The following TRMT13 variants were observed in gnomAD, a reference collection of about 807,000 sequenced individuals.
TRMT13 encodes tRNA:m(4)X modification enzyme TRM13 homolog.
Under a neutral mutation model 55.9 loss-of-function variants are expected in TRMT13, and 45 were observed. That is an observed-to-expected ratio of 0.80 (90% CI 0.63 to 1.03). TRMT13 has a LOEUF of 1.03. TRMT13 is among the 50% of genes least tolerant of loss of function. TRMT13 has a pLI of 0.00. For missense variants in TRMT13, 513 were observed against 563.9 expected (o/e 0.91, Z 0.91); for synonymous variants, 183 against 196.3 (o/e 0.93, Z 0.57).
At chr1:100,139,623 T>A in intron 3 of TRMT13, 26 bp from the exon 4 acceptor site, 1 of 1,404,316 alleles carries the variant, frequency 7.1e-7, no homozygotes, top group African/African-American at 1.4e-5. Context: ...TATTAACAGT[T>A]CTTTTATGGT....
chr1:100,140,096 C>T, intron 4 of TRMT13, 86 bp from the exon 5 acceptor site: 1 of 823,282 alleles, frequency 1.2e-6, no homozygotes, highest in Non-Finnish European at 1.9e-6. Context: ...TGGGATTTGC[C>T]CAGTTGGTAA....
At chr1:100,134,813 A>G (rs1178416832) in intron 1 of TRMT13, among the ~76,000 whole-genome samples, 2 of 152,204 alleles carry the variant, frequency 1.3e-5, no homozygotes, top group African/African-American at 4.8e-5. Flanking sequence ...GGAACGACAT[A>G]TTGTCATTAG....
chr1:100,139,761 C>A (rs770921235), intron 4 of TRMT13, 50 bp downstream of exon 4: 1 of 1,163,984 alleles, frequency 8.6e-7, no homozygotes, highest in East Asian at 2.6e-5. Context: ...TATAAGCTCT[C>A]TTCATGATGT....
intron 5 of TRMT13, 66 bp downstream of exon 5, chr1:100,140,317 C>A: frequency 1.3e-6 from 2 of 1,554,976 alleles, no homozygotes; most frequent in Non-Finnish European, 1.8e-6. Flanking sequence ...GAGTTGATAC[C>A]ATTCTGGTTT....
rs1344144048 is a variant in TRMT13, at chr1:100,136,908, G to T, written c.174G>T (p.Leu58=). ...AEEEDARKRI[L]CPLDPKHTVY... is the part of the protein sequence containing the mutation. ...AAGAAGATGCTCGGAAAAGAATCCT[G>T]TGTCCTTTAGATCCAAAACAGTAAG... The change falls in exon 2 of 11, where the codon CTG becomes CTT. Residue 58 remains leucine, a synonymous_variant. Coordinates refer to ENST00000370141, the MANE Select transcript of TRMT13 (RefSeq NM_019083.3). The T allele has an allele frequency of 1.9e-6, 3 of 1,601,754 alleles. No individual in the cohort carries two copies. Among genetic ancestry groups the T allele is most frequent in the Non-Finnish European group, 2.6e-6 (3 of 1,176,246 alleles).
In TRMT13 at chr1:100,137,101, G is replaced by A. The variant is rs771543529; in HGVS notation, c.261+16G>A. The stretch of plus-strand genomic sequence containing the variant: ...ACCAAAACCTGTAAGTGTTTGATCA[G>A]TAAAATTGAATGGTGAAATGTGGTA... On this transcript the variant is annotated intron_variant, in intron 3 of 10. Coordinates refer to ENST00000370141, the MANE Select transcript of TRMT13 (RefSeq NM_019083.3). The A allele has an allele frequency of 3.1e-6, 5 of 1,601,592 alleles. No homozygotes were observed. The South Asian group carries it at 5.6e-5, about 18-fold the overall frequency.
intron 9 of TRMT13, among the ~76,000 whole-genome samples, chr1:100,145,093 T>C (rs1657071528): frequency 6.6e-6 from 1 of 152,220 alleles, no homozygotes; most frequent in South Asian, 2.1e-4. Flanking sequence ...TGTGTTACAG[T>C]TGCCTACAGT....
chr1:100,149,429 TG>T lies in TRMT13; in HGVS notation c.*610del. 1.3e-6 allele frequency: 2 copies of T among 1,541,016 alleles called. No individual in the cohort carries two copies. Among genetic ancestry groups the T allele is most frequent in the Non-Finnish European group, 1.7e-6 (2 of 1,143,590 alleles). On this transcript the variant is annotated 3_prime_UTR_variant, in exon 11 of 11. Coordinates refer to ENST00000370141, the MANE Select transcript of TRMT13 (RefSeq NM_019083.3). The stretch of plus-strand genomic sequence containing the variant: ...AATCTGTCCATGACAAACACAAAAC[TG>T]AAGAGCTGTTTTCAAAGAAAAAAGA...
At chr1:100,144,038 A>C (rs765463850) in intron 8 of TRMT13, 31 bp from the exon 9 acceptor site, 1 of 1,559,000 alleles carries the variant, frequency 6.4e-7, no homozygotes. Context: ...ACTTTATTTC[A>C]CTAGACAGTT....
intron 9 of TRMT13, among the ~76,000 whole-genome samples, chr1:100,145,912 T>A (rs930206645): frequency 4.6e-5 from 7 of 152,188 alleles, no homozygotes; most frequent in African/African-American, 1.7e-4. Context: ...ACACAACTAA[T>A]GTGTCTTTCC....
At position 100,149,084 on chromosome 1, in the gene TRMT13, G is replaced by A. The variant is rs950058580; in HGVS notation, c.*264G>A. 1.1e-5 allele frequency: 18 copies of A among 1,600,758 alleles called. No individual in the cohort carries two copies. Among genetic ancestry groups the A allele is most frequent in the African/African-American group, 1.1e-4 (8 of 74,432 alleles). On this transcript the variant is annotated 3_prime_UTR_variant, in exon 11 of 11. Coordinates refer to ENST00000370141, the MANE Select transcript of TRMT13 (RefSeq NM_019083.3). ...TGGAGATTGGTAAAGTAGTTGAACCGTTGACTTGGTGATCTGAAACATACA... is the reference window on the plus strand; with the variant it reads ...TGGAGATTGGTAAAGTAGTTGAACCATTGACTTGGTGATCTGAAACATACA...
intron 1 of TRMT13, among the ~76,000 whole-genome samples, chr1:100,133,530 G>A (rs897807258): frequency 3.3e-5 from 5 of 152,146 alleles, no homozygotes; most frequent in African/African-American, 1.2e-4. Context: ...AGCGCCAGCA[G>A]TGACCCATTT....
At chr1:100,137,478 G>A (rs1172898620) in intron 3 of TRMT13, among the ~76,000 whole-genome samples, 2 of 152,100 alleles carry the variant, frequency 1.3e-5, no homozygotes, top group Admixed American at 1.3e-4. Context: ...GATTATAGGC[G>A]TGAGCCACCA....
Position 100,150,325 on chromosome 1 carries a change from AGTTT to A in TRMT13, c.*1510_*1513del, listed in dbSNP as rs1035319383. 10 of 152,296 alleles carry A rather than the reference AGTTT, an allele frequency of 6.6e-5. No homozygotes were observed. Among genetic ancestry groups the A allele is most frequent in the African/African-American group, 2.2e-4 (9 of 41,560 alleles). 9.4% of individuals were successfully genotyped at this position (152,296 alleles called of 1,614,324 possible). A position where few individuals can be genotyped will look rare whatever the true frequency, so the allele number is the denominator to read the frequency against. ...TTATAAGTTTTATGTCAAGTAAGGT[AGTTT>A]GTTTAAGTTAGTTACCCATGTCCCC... On this transcript the variant is annotated 3_prime_UTR_variant, in exon 11 of 11. Transcript: ENST00000370141.
chr1:100,137,466 A>G (rs760709747), intron 3 of TRMT13, among the ~76,000 whole-genome samples: 4 of 152,094 alleles, frequency 2.6e-5, no homozygotes, highest in Non-Finnish European at 5.9e-5. Context: ...CCAAAGTGCT[A>G]GGATTATAGG....
intron 7 of TRMT13, chr1:100,142,820 C>A: frequency 3.5e-6 from 1 of 286,762 alleles, no homozygotes; most frequent in Non-Finnish European, 6.5e-6. Flanking sequence ...AATAGTACAC[C>A]AGGAGTGACA....
intron 5 of TRMT13, 48 bp from the exon 6 acceptor site, chr1:100,140,360 C>T: frequency 6.4e-7 from 1 of 1,571,266 alleles, no homozygotes; most frequent in African/African-American, 1.4e-5. Flanking sequence ...CAGAATCCTA[C>T]AATTACATGT....
At chr1:100,145,223 A>G (rs1418186550) in intron 9 of TRMT13, among the ~76,000 whole-genome samples, 4 of 152,238 alleles carry the variant, frequency 2.6e-5, no homozygotes, top group Non-Finnish European at 4.4e-5. Flanking sequence ...TGATGTTCCT[A>G]CAATGATGAA....
At chr1:100,148,418 T>C in intron 10 of TRMT13, 92 bp downstream of exon 10, 4 of 1,313,850 alleles carry the variant, frequency 3.0e-6, no homozygotes, top group Non-Finnish European at 4.2e-6. Flanking sequence ...TTCATGAAAA[T>C]GTATTTTATA....
Sources: allele counts gnomAD v4.1 joint callset (sites outside exome capture counted in the v4.1 genomes callset), GRCh38; gene constraint gnomAD v4.1.1; transcripts MANE v1.5; gene names NCBI Gene and HGNC (gene_info 2026-07-23, HGNC 2026-07-21).